Variants in DCLK2 observed in about 807,000 individuals in gnomAD.
The protein encoded by DCLK2 is serine/threonine-protein kinase DCLK2.
DCLK2 carries 31 observed loss-of-function variants against 78.4 expected under a neutral mutation model. The observed-to-expected ratio is 0.40, with a 90% CI of 0.30 to 0.53. The LOEUF is 0.53. Ranked by LOEUF, DCLK2 falls within the 20% of genes least tolerant of loss-of-function variation. DCLK2 has a pLI of 0.61. For synonymous variants in DCLK2, 407 were observed against 374.9 expected (o/e 1.09, Z -0.99); for missense variants, 872 against 973.7 (o/e 0.90, Z 1.39).
chr4:150,189,711 G>T (rs745370023), intron 2 of DCLK2, among the ~76,000 whole-genome samples: 1 of 152,056 alleles, frequency 6.6e-6, no homozygotes, highest in Non-Finnish European at 1.5e-5. Context: ...GGATAATGTA[G>T]CCGTTGTACC....
intron 15 of DCLK2, among the ~76,000 whole-genome samples, chr4:150,252,074 G>C (rs1163132104): frequency 1.3e-5 from 2 of 152,168 alleles, no homozygotes; most frequent in Non-Finnish European, 2.9e-5. Context: ...AATTTTAGCA[G>C]TGTTTTGCTG....
chr4:150,230,241 ATGTATC>A (rs1384006980), intron 8 of DCLK2, among the ~76,000 whole-genome samples: 2 of 152,212 alleles, frequency 1.3e-5, no homozygotes, highest in African/African-American at 4.8e-5. Context: ...AAGTTCCACA[ATGTATC>A]CCAGAAGACC....
chr4:150,155,911 G>C lies in DCLK2; in HGVS notation c.757-37227G>C, dbSNP rs1036138440. 2.0e-5 allele frequency among the ~76,000 whole-genome samples: 3 copies of C among 152,084 alleles called. No individual in the cohort carries two copies. In the East Asian group the frequency reaches 5.8e-4, roughly 29 times the overall value. On this transcript the variant is annotated intron_variant, in intron 2 of 15. Transcript: ENST00000296550. ...AGATGTAAAGCAGGAAGGAAGAAGG[G>C]GCTAGGACTGAGCCTTGAAGAATTC...
chr4:150,187,464 A>G (rs1738039485), intron 2 of DCLK2, among the ~76,000 whole-genome samples: 1 of 152,106 alleles, frequency 6.6e-6, no homozygotes. Flanking sequence ...TGCTTCCAGT[A>G]TTTTGTTCAA....
chr4:150,120,061 A>G (rs1292464104), intron 2 of DCLK2, among the ~76,000 whole-genome samples: 2 of 152,236 alleles, frequency 1.3e-5, no homozygotes, highest in Admixed American at 6.5e-5. Context: ...AGTATGTGTC[A>G]TATATAATAT....
intron 1 of DCLK2, among the ~76,000 whole-genome samples, chr4:150,091,677 G>C (rs999761347): frequency 6.6e-6 from 1 of 151,868 alleles, no homozygotes; most frequent in Non-Finnish European, 1.5e-5. Context: ...AGACTTTATA[G>C]TAACTGATAG....
chr4:150,082,179 A>G (rs1393622522), intron 1 of DCLK2, among the ~76,000 whole-genome samples: 2 of 152,152 alleles, frequency 1.3e-5, no homozygotes, highest in African/African-American at 4.8e-5. Flanking sequence ...TCTGTAATAT[A>G]TTCACCACAT....
intron 12 of DCLK2, among the ~76,000 whole-genome samples, chr4:150,245,906 G>A (rs1369440720): frequency 6.6e-6 from 1 of 151,976 alleles, no homozygotes; most frequent in Admixed American, 6.6e-5. Flanking sequence ...CCCATTACTG[G>A]GTATATACCC....
intron 5 of DCLK2, among the ~76,000 whole-genome samples, chr4:150,213,859 T>TA (rs1740489127): frequency 6.6e-6 from 1 of 152,182 alleles, no homozygotes; most frequent in South Asian, 2.1e-4. Context: ...CTCATAAACT[T>TA]AGAGGATAGG....
At chr4:150,124,939 C>A (rs1437799741) in intron 2 of DCLK2, among the ~76,000 whole-genome samples, 1 of 152,092 alleles carries the variant, frequency 6.6e-6, no homozygotes, top group East Asian at 1.9e-4. Context: ...GCATTGGAGT[C>A]CAGAAAATAC....
intron 2 of DCLK2, among the ~76,000 whole-genome samples, chr4:150,122,080 T>A (rs1401389252): frequency 1.3e-5 from 2 of 152,212 alleles, no homozygotes; most frequent in Non-Finnish European, 2.9e-5. Context: ...ATTTGGGGAA[T>A]GGTAAATGAG....
At chr4:150,167,650 A>G (rs568822205) in intron 2 of DCLK2, among the ~76,000 whole-genome samples, 1 of 152,280 alleles carries the variant, frequency 6.6e-6, no homozygotes, top group African/African-American at 2.4e-5. Flanking sequence ...AACCTCCACC[A>G]GGAGTGTCAG....
chr4:150,088,578 C>T (rs1478876349), intron 1 of DCLK2, among the ~76,000 whole-genome samples: 1 of 152,100 alleles, frequency 6.6e-6, no homozygotes, highest in East Asian at 1.9e-4. Context: ...GCTGGGATTA[C>T]AGGTGAAAGC....
At chr4:150,200,040 G>T (rs1739342586) in intron 4 of DCLK2, among the ~76,000 whole-genome samples, 2 of 152,166 alleles carry the variant, frequency 1.3e-5, no homozygotes, top group African/African-American at 4.8e-5. Flanking sequence ...TTTAATAAAA[G>T]GGAGAGTGGT....
intron 2 of DCLK2, among the ~76,000 whole-genome samples, chr4:150,117,067 G>A (rs1476326288): frequency 6.6e-6 from 1 of 152,166 alleles, no homozygotes; most frequent in Non-Finnish European, 1.5e-5. Flanking sequence ...ACAATGCCAG[G>A]TGGGGGCTGG....
At chr4:150,099,736 G>A (rs1730757928) in intron 1 of DCLK2, among the ~76,000 whole-genome samples, 1 of 152,130 alleles carries the variant, frequency 6.6e-6, no homozygotes, top group Non-Finnish European at 1.5e-5. Flanking sequence ...GAGTTGTCTA[G>A]GCTTAAAGAA....
intron 1 of DCLK2, among the ~76,000 whole-genome samples, chr4:150,080,133 A>T (rs933854914): frequency 1.4e-5 from 2 of 142,180 alleles, no homozygotes; most frequent in Admixed American, 7.1e-5. Flanking sequence ...GGTGATTCTA[A>T]TGTGGGACCC....
chr4:150,123,100 T>C (rs998478557), intron 2 of DCLK2, among the ~76,000 whole-genome samples: 1 of 152,378 alleles, frequency 6.6e-6, no homozygotes, highest in South Asian at 2.1e-4. Context: ...TTTTAATTCA[T>C]GTGATAACTA....
At chr4:150,178,265 C>T (rs1737228724) in intron 2 of DCLK2, among the ~76,000 whole-genome samples, 1 of 152,110 alleles carries the variant, frequency 6.6e-6, no homozygotes, top group African/African-American at 2.4e-5. Context: ...TAAGTATTTG[C>T]TCTATCAACT....
Sources: gnomAD v4.1 joint callset for allele counts (sites outside exome capture counted in the v4.1 genomes callset) on GRCh38, gnomAD v4.1.1 for gene constraint, MANE v1.5 for transcripts, NCBI Gene and HGNC (gene_info 2026-07-23, HGNC 2026-07-21) for gene names.